The following MLYCD variants were observed in gnomAD, a reference collection of about 807,000 sequenced individuals.
The protein encoded by MLYCD is malonyl-CoA decarboxylase, mitochondrial.
In MLYCD, 27 loss-of-function variants were observed where a neutral mutation model predicts 35.8. That is an observed-to-expected ratio of 0.75 (90% CI 0.56 to 1.04). The LOEUF (loss-of-function observed/expected upper bound fraction) is 1.04. MLYCD is among the 50% of genes least tolerant of loss of function. The pLI, the probability that MLYCD is intolerant of heterozygous loss-of-function variation, is 0.00. For missense variants in MLYCD, 917 were observed against 665.1 expected (o/e 1.38, Z -4.17); for synonymous variants, 403 against 302.4 (o/e 1.33, Z -3.45).
At chr16:83,903,039 G>A (rs553427061) in intron 1 of MLYCD, among the ~76,000 whole-genome samples, 6 of 152,274 alleles carry the variant, frequency 3.9e-5, no homozygotes, top group African/African-American at 1.4e-4. Context: ...TCTTAGAGGT[G>A]AAATCCCAGT....
In MLYCD at chr16:83,917,291, G is replaced by A. The variant is rs556781944; in HGVS notation, c.*1802G>A. 166 of 152,422 alleles carry A rather than the reference G, an allele frequency of 1.1e-3. No homozygotes were observed. Among genetic ancestry groups the A allele is most frequent in the Middle Eastern group, 8.9e-3 (12 of 1,346 alleles). 9.4% of individuals were successfully genotyped at this position (152,422 alleles called of 1,614,324 possible). ...TGTGGATCAGTGCACGTCTGTGTGC[G>A]TGTGCACAAGCATCTGTGTGTGTCA... On this transcript the variant is annotated 3_prime_UTR_variant, in exon 5 of 5. Transcript: ENST00000262430.
At chr16:83,906,110 G>A (rs897222881) in intron 1 of MLYCD, among the ~76,000 whole-genome samples, 1 of 152,160 alleles carries the variant, frequency 6.6e-6, no homozygotes, top group Non-Finnish European at 1.5e-5. Context: ...GTTACGGCGG[G>A]GCACAGTGGC....
chr16:83,915,196 C>A lies in MLYCD; in HGVS notation c.1189C>A (p.Pro397Thr), dbSNP rs760517323. ...SEKLVRALQT[P>T]LMRLCAWYLY... ...GAAGCTGGTGCGGGCGCTGCAGACTCCGCTGATGAGGCTGTGCGCCTGGTA... is the reference window on the plus strand; with the variant it reads ...GAAGCTGGTGCGGGCGCTGCAGACTACGCTGATGAGGCTGTGCGCCTGGTA... Residue 397 changes from proline (P) to threonine (T), a missense_variant, in exon 5 of 5, where the codon CCG (proline) becomes ACG (threonine). Pro to Thr is a conservative substitution (Grantham distance 38). Transcript: ENST00000262430. 6.2e-7 allele frequency: 1 copy of A among 1,614,098 alleles called. No homozygotes were observed. Among genetic ancestry groups the A allele is most frequent in the Non-Finnish European group, 8.5e-7 (1 of 1,179,922 alleles).
chr16:83,914,125 A>G (rs1907284973), intron 4 of MLYCD: 1 of 152,244 alleles, frequency 6.6e-6, no homozygotes, highest in Non-Finnish European at 1.5e-5. Flanking sequence ...TTCTTCTGTC[A>G]TTAATTTTTT....
In MLYCD at chr16:83,901,823, T is replaced by A. The variant is rs369321524; in HGVS notation, c.528+2151T>A. Among the ~76,000 whole-genome samples the A allele has an allele frequency of 3.2e-4, 48 of 152,248 alleles. No individual in the cohort carries two copies. In the South Asian group the frequency reaches 9.3e-3, roughly 30 times the overall value. On this transcript the variant is annotated intron_variant, in intron 1 of 4. Transcript: ENST00000262430. ...AGTTTCCTTGCTTTTTGACCAAGGC[T>A]ATTTACAGAAGGGAAAAAAACATTG...
rs1428742139 is a variant in MLYCD, at chr16:83,917,142, G to T, written c.*1653G>T. ...TGCGTGTGCACGAGCGTTCTATGTG[G>T]ATCAGTGCACGCCTGTGTGCGTGTG... is the stretch of plus-strand genomic sequence containing the variant. On this transcript the variant is annotated 3_prime_UTR_variant, in exon 5 of 5. Transcript: ENST00000262430. 2 of 98,128 alleles carry T rather than the reference G, an allele frequency of 2.0e-5. No homozygotes were observed. The highest frequency in any genetic ancestry group is 8.3e-5 in the African/African-American group (2 of 24,044). 6.1% of individuals were successfully genotyped at this position (98,128 alleles called of 1,614,324 possible).
intron 3 of MLYCD, among the ~76,000 whole-genome samples, chr16:83,909,620 GT>G (rs1281867257): frequency 0.041 from 5,418 of 130,654 alleles, 244 homozygotes; most frequent in African/African-American, 0.14. Context: ...GTGGTGTTGT[GT>G]TTTTTTTTTT....
chr16:83,911,897 A>T (rs936423490), intron 3 of MLYCD: 2 of 373,846 alleles, frequency 5.3e-6, no homozygotes, highest in African/African-American at 4.2e-5. Context: ...CGGAGAGTTT[A>T]TGGAGCAAGT....
rs949630947 is a variant in MLYCD at position 83,915,445 on chromosome 16, G to A, written c.1438G>A (p.Val480Ile). 4.3e-6 allele frequency: 7 copies of A among 1,613,348 alleles called. No individual in the cohort carries two copies. Among genetic ancestry groups the A allele is most frequent in the Admixed American group, 1.7e-5 (1 of 60,006 alleles). ...GSKIIKASEQ[V>I]LSLVAQFQKN... The stretch of plus-strand genomic sequence containing the variant: ...CAAGATCATCAAAGCCTCTGAGCAG[G>A]TCCTCAGCCTAGTGGCCCAGTTTCA... Residue 480 changes from valine (V) to isoleucine (I), a missense_variant, in exon 5 of 5, where the codon GTC becomes ATC. Physicochemically the swap from Val to Ile is conservative, Grantham distance 29 (BLOSUM62 3). Coordinates refer to ENST00000262430, the MANE Select transcript of MLYCD (RefSeq NM_012213.3).
At chr16:83,912,863 C>G in intron 4 of MLYCD, 1 of 217,156 alleles carries the variant, frequency 4.6e-6, no homozygotes, top group Non-Finnish European at 9.4e-6. Flanking sequence ...TGAGACCAGA[C>G]AGCTCGAAGG....
Position 83,927,031 on chromosome 16 carries a change from A to G in MLYCD, c.*11542A>G, listed in dbSNP as rs1351188395. ...ATAAAAATAAAAAAATAAAATCCTAACAGGTAGCATACCTGCACTCGGAAC... is the reference window on the plus strand; with the variant it reads ...ATAAAAATAAAAAAATAAAATCCTAGCAGGTAGCATACCTGCACTCGGAAC... On this transcript the variant is annotated 3_prime_UTR_variant, in exon 5 of 5. Coordinates refer to ENST00000262430, the MANE Select transcript of MLYCD (RefSeq NM_012213.3). The G allele has an allele frequency of 7.1e-6, 1 of 141,302 alleles. No individual in the cohort carries two copies. Among genetic ancestry groups the G allele is most frequent in the Non-Finnish European group, 1.6e-5 (1 of 64,398 alleles). 8.8% of individuals were successfully genotyped at this position (141,302 alleles called of 1,614,324 possible).
At position 83,915,412 on chromosome 16, in the gene MLYCD, C is replaced by G; in HGVS notation, c.1405C>G (p.Leu469Val). 5.6e-6 allele frequency: 9 copies of G among 1,613,856 alleles called. No individual in the cohort carries two copies. The highest frequency in any genetic ancestry group is 6.8e-6 in the Non-Finnish European group (8 of 1,180,046). Residue 469 changes from leucine (L) to valine (V), a missense_variant, in exon 5 of 5, where the codon CTC (leucine) becomes GTC (valine). Transcript: ENST00000262430. The part of the protein sequence containing the change: ...EETGPNSTSY[L>V]GSKIIKASEQ... ...GACGGGCCCCAACAGCACCTCCTAC[C>G]TCGGCTCCAAGATCATCAAAGCCTC... is the stretch of plus-strand genomic sequence containing the variant.
chr16:83,916,046 T>C lies in MLYCD; in HGVS notation c.*557T>C, dbSNP rs1012720117. On this transcript the variant is annotated 3_prime_UTR_variant, in exon 5 of 5. Coordinates refer to ENST00000262430, the MANE Select transcript of MLYCD (RefSeq NM_012213.3). ...GGTTTGTGATTTTGCACAAGGTGTG[T>C]GTAGTAAGTTAAATTGTTGAACACA... 11 of 1,000,990 alleles carry C rather than the reference T, an allele frequency of 1.1e-5. No homozygotes were observed. Among genetic ancestry groups the C allele is most frequent in the African/African-American group, 1.7e-5 (1 of 57,676 alleles). The allele number at this position is 1,000,990 out of a possible 1,614,324, so 62.0% of individuals were successfully genotyped here.
rs1282515585 is a variant in MLYCD at position 83,926,953 on chromosome 16, T to C, written c.*11464T>C. 1.3e-5 allele frequency: 2 copies of C among 152,098 alleles called. No homozygotes were observed. The highest frequency in any genetic ancestry group is 2.9e-5 in the Non-Finnish European group (2 of 68,042). 9.4% of individuals were successfully genotyped at this position (152,098 alleles called of 1,614,324 possible). The stretch of plus-strand genomic sequence containing the variant: ...AGGCGGAGGTTGCAGTTGGCCGAGA[T>C]GGCGCCACTCACTCCAGCCTGGCGA... On this transcript the variant is annotated 3_prime_UTR_variant, in exon 5 of 5. Coordinates refer to ENST00000262430, the MANE Select transcript of MLYCD (RefSeq NM_012213.3).
chr16:83,919,111 GAC>G lies in MLYCD; in HGVS notation c.*3626_*3627del, dbSNP rs1567639301. 7.2e-6 allele frequency: 1 copy of G among 138,946 alleles called. No homozygotes were observed. Among genetic ancestry groups the G allele is most frequent in the Non-Finnish European group, 1.6e-5 (1 of 64,432 alleles). 8.6% of individuals were successfully genotyped at this position (138,946 alleles called of 1,614,324 possible). On this transcript the variant is annotated 3_prime_UTR_variant, in exon 5 of 5. Transcript: ENST00000262430. ...ACGCACACACAGTGCACAGAACACA[GAC>G]ACAGTGCACAGGAGAACACACAGTG...
At chr16:83,904,837 A>T (rs987561945) in intron 1 of MLYCD, among the ~76,000 whole-genome samples, 2 of 152,154 alleles carry the variant, frequency 1.3e-5, no homozygotes, top group Non-Finnish European at 2.9e-5. Context: ...CAGCTATTCA[A>T]AAGTTCCTCT....
At chr16:83,907,261 C>T (rs1344214860) in intron 2 of MLYCD, among the ~76,000 whole-genome samples, 162 bp downstream of exon 2, 2 of 152,106 alleles carry the variant, frequency 1.3e-5, no homozygotes, top group African/African-American at 4.8e-5. Flanking sequence ...CGGCTGTCAC[C>T]ACACATGATA....
chr16:83,922,660 G>C lies in MLYCD; in HGVS notation c.*7171G>C, dbSNP rs1341983891. Reference sequence around the variant, plus strand: ...CCCACAGCCTGCTGAGAGGCTCAAAGGAGACGATGTATATAAAGCAGTTAA... The same window carrying C: ...CCCACAGCCTGCTGAGAGGCTCAAACGAGACGATGTATATAAAGCAGTTAA... On this transcript the variant is annotated 3_prime_UTR_variant, in exon 5 of 5. Coordinates refer to ENST00000262430, the MANE Select transcript of MLYCD (RefSeq NM_012213.3). 6.6e-6 allele frequency: 1 copy of C among 152,278 alleles called. No homozygotes were observed. Among genetic ancestry groups the C allele is most frequent in the East Asian group, 1.9e-4 (1 of 5,204 alleles). The allele number at this position is 152,278 out of a possible 1,614,324, so 9.4% of individuals were successfully genotyped here.
chr16:83,916,109 C>T lies in MLYCD; in HGVS notation c.*620C>T. On this transcript the variant is annotated 3_prime_UTR_variant, in exon 5 of 5. Coordinates refer to ENST00000262430, the MANE Select transcript of MLYCD (RefSeq NM_012213.3). ...CTTGAGGCATAAGTTGGATAATAGG[C>T]TTTAAATGATCAGGGATTCAGGTTC... is the stretch of plus-strand genomic sequence containing the variant. 3 of 994,340 alleles carry T rather than the reference C, an allele frequency of 3.0e-6. No homozygotes were observed. The highest frequency in any genetic ancestry group is 3.6e-6 in the Non-Finnish European group (3 of 834,078). The allele number at this position is 994,340 out of a possible 1,614,324, so 61.6% of individuals were successfully genotyped here.
Sources: allele counts gnomAD v4.1 joint callset (sites outside exome capture counted in the v4.1 genomes callset), GRCh38; gene constraint gnomAD v4.1.1; transcripts MANE v1.5; gene names NCBI Gene and HGNC (gene_info 2026-07-23, HGNC 2026-07-21).